Variants in FBXL7 observed in about 807,000 individuals in gnomAD.
FBXL7 encodes the protein F-box/LRR-repeat protein 7.
In FBXL7, 12 loss-of-function variants were observed where a neutral mutation model predicts 38.3. The observed-to-expected ratio is 0.31, with a 90% CI of 0.20 to 0.51. The LOEUF (loss-of-function observed/expected upper bound fraction) is 0.51. Among genes scored for constraint, FBXL7 ranks in the 20% least tolerant of loss-of-function variants. FBXL7 has a pLI of 0.98. For synonymous variants in FBXL7, 297 were observed against 300.9 expected, an observed-to-expected ratio of 0.99 and a Z score of 0.13; for missense variants, 567 against 676.4, an observed-to-expected ratio of 0.84 and a Z score of 1.79.
chr5:15,823,735 G>A (rs150641116), intron 2 of FBXL7, among the ~76,000 whole-genome samples: 55 of 152,110 alleles, frequency 3.6e-4, no homozygotes, highest in Admixed American at 8.5e-4. Flanking sequence ...GATGTCTCAC[G>A]TGAGACCATC....
intron 2 of FBXL7, among the ~76,000 whole-genome samples, chr5:15,690,852 G>A (rs1459559956): frequency 6.6e-6 from 1 of 152,190 alleles, no homozygotes; most frequent in Non-Finnish European, 1.5e-5. Context: ...TCTTCAGTGT[G>A]TGAGCCACAG....
intron 2 of FBXL7, among the ~76,000 whole-genome samples, chr5:15,642,382 G>A (rs992323400): frequency 2.0e-5 from 3 of 152,122 alleles, no homozygotes; most frequent in Non-Finnish European, 2.9e-5. Context: ...AATTTCCAAG[G>A]GTCCCAGATT....
At chr5:15,634,642 C>G (rs965735865) in intron 2 of FBXL7, among the ~76,000 whole-genome samples, 1 of 152,080 alleles carries the variant, frequency 6.6e-6, no homozygotes, top group Non-Finnish European at 1.5e-5. Context: ...TTTCCTGATG[C>G]TACTATAACA....
chr5:15,640,965 A>G (rs1297235773), intron 2 of FBXL7, among the ~76,000 whole-genome samples: 2 of 152,176 alleles, frequency 1.3e-5, no homozygotes, highest in Admixed American at 1.3e-4. Flanking sequence ...GCTTAAGGAC[A>G]TGCTGCAGCA....
intron 2 of FBXL7, among the ~76,000 whole-genome samples, chr5:15,892,650 C>T (rs113337857): frequency 2.0e-4 from 30 of 152,262 alleles, no homozygotes; most frequent in African/African-American, 5.5e-4. Flanking sequence ...GATTAAGCAA[C>T]TACTATGTGC....
At chr5:15,929,249 G>C (rs79406001) in intron 3 of FBXL7, among the ~76,000 whole-genome samples, 3 of 152,326 alleles carry the variant, frequency 2.0e-5, no homozygotes, top group East Asian at 3.9e-4. Flanking sequence ...GGTTAATCCT[G>C]CATCTTTTCT....
chr5:15,776,446 A>G (rs542541758), intron 2 of FBXL7, among the ~76,000 whole-genome samples: 1 of 152,142 alleles, frequency 6.6e-6, no homozygotes, highest in Non-Finnish European at 1.5e-5. Flanking sequence ...TCTTAAGGAA[A>G]AAAAACATGA....
chr5:15,929,315 T>C lies in FBXL7; in HGVS notation c.739+814T>C, dbSNP rs140929718. 8.5e-5 allele frequency among the ~76,000 whole-genome samples: 13 copies of C among 152,330 alleles called. No homozygotes were observed. In the East Asian group the frequency reaches 1.7e-3, roughly 20 times the overall value. Reference sequence around the variant, plus strand: ...GGCAAGGTCCATTGAATTAAATCTTTAGTGCTTTTAAAAATTGAAGGAAGT... The same window carrying C: ...GGCAAGGTCCATTGAATTAAATCTTCAGTGCTTTTAAAAATTGAAGGAAGT... On this transcript the variant is annotated intron_variant, in intron 3 of 3. Transcript: ENST00000504595.
intron 2 of FBXL7, among the ~76,000 whole-genome samples, chr5:15,821,086 TAG>T (rs1284624255): frequency 6.6e-6 from 1 of 152,156 alleles, no homozygotes; most frequent in African/African-American, 2.4e-5. Context: ...TCCCACTGAA[TAG>T]AGTCGGACAC....
At chr5:15,540,158 G>A (rs143362814) in intron 1 of FBXL7, among the ~76,000 whole-genome samples, 54 of 152,220 alleles carry the variant, frequency 3.5e-4, no homozygotes, top group African/African-American at 1.3e-3. Context: ...TTAACCTTCT[G>A]TTCTTGTCCC....
At chr5:15,646,033 T>C (rs1580431259) in intron 2 of FBXL7, among the ~76,000 whole-genome samples, 1 of 152,182 alleles carries the variant, frequency 6.6e-6, no homozygotes, top group East Asian at 1.9e-4. Flanking sequence ...GGGACTATGT[T>C]TGAAACCACA....
In FBXL7 at chr5:15,577,781, G is replaced by A. The variant is rs1037588913; in HGVS notation, c.38-38202G>A. Among the ~76,000 whole-genome samples, 8 of 152,058 alleles carry A rather than the reference G, an allele frequency of 5.3e-5. No individual in the cohort carries two copies. In the South Asian group the frequency reaches 6.2e-4, roughly 12 times the overall value. On this transcript the variant is annotated intron_variant, in intron 1 of 3. Coordinates refer to ENST00000504595, the MANE Select transcript of FBXL7 (RefSeq NM_012304.5). ...CCATTGTATTTGTCTGCCACTGTCC[G>A]TCTCCAAGGAACTCTGCCTTCCTGC...
At chr5:15,811,147 A>G (rs142243753) in intron 2 of FBXL7, among the ~76,000 whole-genome samples, 1 of 152,042 alleles carries the variant, frequency 6.6e-6, no homozygotes, top group East Asian at 1.9e-4. Context: ...GGCTTGATGT[A>G]CTCCTCTCCA....
At chr5:15,783,487 A>G (rs10044254) in intron 2 of FBXL7, among the ~76,000 whole-genome samples, 37,776 of 152,100 alleles carry the variant, frequency 0.25, 5,023 homozygotes, top group African/African-American at 0.34. Flanking sequence ...GATAACCAAC[A>G]TGACAGCAAT....
At chr5:15,846,681 A>T (rs1738912880) in intron 2 of FBXL7, among the ~76,000 whole-genome samples, 1 of 152,220 alleles carries the variant, frequency 6.6e-6, no homozygotes, top group South Asian at 2.1e-4. Context: ...ATTTTTCTTT[A>T]AAAGTGGCAT....
At chr5:15,683,395 TA>T (rs1742913280) in intron 2 of FBXL7, among the ~76,000 whole-genome samples, 1 of 152,198 alleles carries the variant, frequency 6.6e-6, no homozygotes, top group African/African-American at 2.4e-5. Context: ...GGGAGTCACC[TA>T]ACCCTGCTGG....
At chr5:15,543,896 G>C (rs1222971816) in intron 1 of FBXL7, among the ~76,000 whole-genome samples, 1 of 152,132 alleles carries the variant, frequency 6.6e-6, no homozygotes, top group Non-Finnish European at 1.5e-5. Flanking sequence ...TTTGTGCTCT[G>C]TCAGCAGTTG....
intron 2 of FBXL7, among the ~76,000 whole-genome samples, chr5:15,739,954 G>A (rs1735852811): frequency 6.6e-6 from 1 of 152,046 alleles, no homozygotes; most frequent in Admixed American, 6.6e-5. Context: ...GTCTTTTTGA[G>A]GAACTGCCCG....
intron 2 of FBXL7, among the ~76,000 whole-genome samples, chr5:15,740,931 T>A (rs1735879708): frequency 6.6e-6 from 1 of 152,158 alleles, no homozygotes; most frequent in African/African-American, 2.4e-5. Context: ...TTTTACATAT[T>A]TATATGACAT....
Sources: gnomAD v4.1 joint callset for allele counts (sites outside exome capture counted in the v4.1 genomes callset) on GRCh38, gnomAD v4.1.1 for gene constraint, MANE v1.5 for transcripts, NCBI Gene and HGNC (gene_info 2026-07-23, HGNC 2026-07-21) for gene names.